TMTC2: variants seen among roughly 807,000 people sequenced by gnomAD.
The protein encoded by TMTC2 is transmembrane O-mannosyltransferase targeting cadherins 2, also known as protein O-mannosyl-transferase TMTC2.
A neutral mutation model predicts 82.4 loss-of-function variants in TMTC2; 43 were observed. The ratio of observed to expected loss-of-function variants is 0.52; its 90% CI spans 0.41 to 0.67. The LOEUF is 0.67. TMTC2 is among the 30% of genes least tolerant of loss of function. TMTC2 has a pLI of 0.00. For synonymous variants in TMTC2, 408 were observed against 381.9 expected (o/e 1.07, Z -0.80); for missense variants, 919 against 1,012.4 (o/e 0.91, Z 1.25).
intron 1 of TMTC2, among the ~76,000 whole-genome samples, chr12:82,687,874 G>A (rs897912354): frequency 6.6e-6 from 1 of 152,194 alleles, no homozygotes; most frequent in Non-Finnish European, 1.5e-5. Flanking sequence ...TCCGCTCCTA[G>A]TTTGCAGCAG....
chr12:82,934,863 C>T (rs71450913), intron 4 of TMTC2, among the ~76,000 whole-genome samples: 15,750 of 152,126 alleles, frequency 0.1, 946 homozygotes, highest in East Asian at 0.2. Flanking sequence ...GCTATGTCTC[C>T]ATATCCTTTC....
intron 4 of TMTC2, among the ~76,000 whole-genome samples, chr12:82,934,808 C>G (rs187905463): frequency 6.6e-6 from 1 of 152,170 alleles, no homozygotes; most frequent in African/African-American, 2.4e-5. Context: ...CTGTCTTCCA[C>G]AGTGTTTGAA....
chr12:82,819,530 T>G (rs1253601566), intron 1 of TMTC2, among the ~76,000 whole-genome samples: 2 of 148,374 alleles, frequency 1.3e-5, no homozygotes, highest in African/African-American at 5.0e-5. Flanking sequence ...AGACGGAGTT[T>G]CGCTCTCGTT....
chr12:82,759,736 C>G (rs539670143), intron 1 of TMTC2: 1 of 152,194 alleles, frequency 6.6e-6, no homozygotes, highest in South Asian at 2.1e-4. Context: ...GTGGCTATGC[C>G]CTTTTATAGA....
intron 8 of TMTC2, among the ~76,000 whole-genome samples, chr12:83,011,608 A>G (rs530749215): frequency 1.2e-4 from 19 of 152,202 alleles, no homozygotes; most frequent in African/African-American, 4.6e-4. Context: ...ACTTACAGTA[A>G]CTCCCTAAGT....
At chr12:82,892,832 T>A (rs1873462916) in intron 2 of TMTC2, among the ~76,000 whole-genome samples, 1 of 152,214 alleles carries the variant, frequency 6.6e-6, no homozygotes, top group African/African-American at 2.4e-5. Flanking sequence ...ATCCATGATA[T>A]CTTGTCTCCT....
chr12:82,815,862 G>A (rs1868682682), intron 1 of TMTC2, among the ~76,000 whole-genome samples: 1 of 152,022 alleles, frequency 6.6e-6, no homozygotes, highest in Non-Finnish European at 1.5e-5. Flanking sequence ...TATTACAAAG[G>A]ATAAATCTTC....
intron 11 of TMTC2, among the ~76,000 whole-genome samples, chr12:83,082,917 C>T (rs372060184): frequency 6.6e-6 from 1 of 152,134 alleles, no homozygotes; most frequent in African/African-American, 2.4e-5. Flanking sequence ...ATTCACATGT[C>T]CTGGTAGGCA....
At chr12:82,787,401 G>C (rs2137017583) in intron 1 of TMTC2, among the ~76,000 whole-genome samples, 1 of 151,928 alleles carries the variant, frequency 6.6e-6, no homozygotes, top group East Asian at 1.9e-4. Context: ...TATTCTTAAA[G>C]GATTTGAAAA....
At chr12:82,915,452 G>A (rs184694794) in intron 3 of TMTC2, among the ~76,000 whole-genome samples, 13 of 152,262 alleles carry the variant, frequency 8.5e-5, no homozygotes, top group Admixed American at 2.0e-4. Context: ...GTACTACAAC[G>A]TAGATTTCGG....
At chr12:83,116,345 C>T (rs1884761565) in intron 11 of TMTC2, among the ~76,000 whole-genome samples, 1 of 152,140 alleles carries the variant, frequency 6.6e-6, no homozygotes, top group Non-Finnish European at 1.5e-5. Context: ...GATTGATAGG[C>T]ATTTGGGTTG....
intron 11 of TMTC2, among the ~76,000 whole-genome samples, chr12:83,079,538 TCTA>T (rs1372367530): frequency 6.6e-6 from 1 of 152,194 alleles, no homozygotes; most frequent in Non-Finnish European, 1.5e-5. Context: ...GATTTTACCT[TCTA>T]CAACTGTTTG....
chr12:83,115,503 T>G (rs981254864), intron 11 of TMTC2, among the ~76,000 whole-genome samples: 1 of 152,220 alleles, frequency 6.6e-6, no homozygotes, highest in Non-Finnish European at 1.5e-5. Context: ...ATCAGATATC[T>G]TCTTATATAG....
intron 8 of TMTC2, among the ~76,000 whole-genome samples, chr12:83,017,145 G>A (rs1262202633): frequency 6.6e-6 from 1 of 152,178 alleles, no homozygotes; most frequent in African/African-American, 2.4e-5. Context: ...TGTTAAGAGT[G>A]TCTTAGGGAA....
chr12:82,935,892 C>T (rs1876289958), intron 4 of TMTC2, among the ~76,000 whole-genome samples: 1 of 151,700 alleles, frequency 6.6e-6, no homozygotes, highest in African/African-American at 2.4e-5. Flanking sequence ...AGAAAATAAA[C>T]TAAAAATTTA....
chr12:82,904,998 T>C (rs1161368906), intron 3 of TMTC2, among the ~76,000 whole-genome samples: 14 of 151,152 alleles, frequency 9.3e-5, no homozygotes, highest in Admixed American at 3.9e-4. Context: ...TTTTTTTTTT[T>C]CCTAAAACCT....
At chr12:83,110,799 C>A (rs1445911456) in intron 11 of TMTC2, among the ~76,000 whole-genome samples, 1 of 152,168 alleles carries the variant, frequency 6.6e-6, no homozygotes, top group Non-Finnish European at 1.5e-5. Context: ...CACTTCACAC[C>A]CAAACTCTCA....
intron 1 of TMTC2, among the ~76,000 whole-genome samples, chr12:82,702,662 C>T (rs1309967581): frequency 6.6e-6 from 1 of 152,148 alleles, no homozygotes; most frequent in Non-Finnish European, 1.5e-5. Context: ...TGTGGTGGCT[C>T]ACACATGTAA....
At chr12:83,068,135 C>T (rs1882984496) in intron 11 of TMTC2, among the ~76,000 whole-genome samples, 1 of 151,958 alleles carries the variant, frequency 6.6e-6, no homozygotes, top group South Asian at 2.1e-4. Context: ...ATGAGGTAGT[C>T]CACATATTCT....
Sources: gnomAD v4.1 joint callset for allele counts (sites outside exome capture counted in the v4.1 genomes callset) on GRCh38, gnomAD v4.1.1 for gene constraint, MANE v1.5 for transcripts, NCBI Gene and HGNC (gene_info 2026-07-23, HGNC 2026-07-21) for gene names.